Variants in DNM3 observed in about 807,000 individuals in gnomAD.
The protein encoded by DNM3 is dynamin 3, also known as dynamin-3.
DNM3 carries 47 observed loss-of-function variants against 101.6 expected under a neutral mutation model. The ratio of observed to expected loss-of-function variants is 0.46; its 90% CI spans 0.37 to 0.59. The LOEUF (loss-of-function observed/expected upper bound fraction) is 0.59. Ranked by LOEUF, DNM3 falls within the 20% of genes least tolerant of loss-of-function variation. The probability of loss-of-function intolerance (pLI) is 0.00; values close to 1 mark genes in which losing one functional copy is unlikely to be tolerated. For synonymous variants in DNM3, 385 were observed against 387.9 expected (o/e 0.99, Z 0.09); for missense variants, 849 against 1,085.7 (o/e 0.78, Z 3.06).
chr1:171,997,870 C>A (rs1189202907), intron 4 of DNM3, among the ~76,000 whole-genome samples: 1 of 152,094 alleles, frequency 6.6e-6, no homozygotes, highest in African/African-American at 2.4e-5. Context: ...ACAGAAGTCC[C>A]TGGATGATCA....
chr1:172,163,115 T>A (rs1384328827), intron 14 of DNM3, among the ~76,000 whole-genome samples: 1 of 152,134 alleles, frequency 6.6e-6, no homozygotes, highest in Non-Finnish European at 1.5e-5. Context: ...ATGACCACAG[T>A]CAAGTTAATT....
chr1:172,151,754 A>G (rs2058136656), intron 14 of DNM3, among the ~76,000 whole-genome samples: 1 of 152,130 alleles, frequency 6.6e-6, no homozygotes. Flanking sequence ...CTTGGAGTTC[A>G]ACTTGCATCC....
At chr1:172,181,375 T>TACAC (rs55756017) in intron 14 of DNM3, among the ~76,000 whole-genome samples, 1,479 of 147,682 alleles carry the variant, frequency 0.01, 17 homozygotes, top group African/African-American at 0.028. Flanking sequence ...CACTTGAGTT[T>TACAC]ACACACACAC....
chr1:172,076,490 A>T (rs922695439), intron 11 of DNM3, among the ~76,000 whole-genome samples: 1 of 152,212 alleles, frequency 6.6e-6, no homozygotes, highest in African/African-American at 2.4e-5. Flanking sequence ...GATACATTCC[A>T]TCAATACCTA....
chr1:172,235,985 T>TAAAA (rs955159187), intron 14 of DNM3, among the ~76,000 whole-genome samples: 18 of 152,216 alleles, frequency 1.2e-4, no homozygotes, highest in African/African-American at 4.3e-4. Context: ...CCCTAAAACT[T>TAAAA]AAAGTATAAA....
chr1:171,922,161 G>A (rs2040230858), intron 2 of DNM3, among the ~76,000 whole-genome samples: 1 of 151,790 alleles, frequency 6.6e-6, no homozygotes, highest in Non-Finnish European at 1.5e-5. Flanking sequence ...GTGTGCGTAT[G>A]TGTGCATGCA....
intron 17 of DNM3, among the ~76,000 whole-genome samples, chr1:172,362,678 T>C (rs1252496351): frequency 6.6e-6 from 1 of 151,910 alleles, no homozygotes; most frequent in East Asian, 1.9e-4. Context: ...TCCCTTCATT[T>C]TTCTGCCAAA....
intron 7 of DNM3, among the ~76,000 whole-genome samples, chr1:172,039,026 A>T (rs960258837): frequency 6.6e-6 from 1 of 151,816 alleles, no homozygotes; most frequent in Non-Finnish European, 1.5e-5. Flanking sequence ...CCCCTTCATG[A>T]TCTTCCCATC....
intron 20 of DNM3, chr1:172,389,052 C>T (rs368888737): frequency 5.7e-6 from 3 of 530,376 alleles, no homozygotes; most frequent in East Asian, 3.1e-5. Context: ...AAGAACACTC[C>T]GTCCCAATGA....
intron 14 of DNM3, among the ~76,000 whole-genome samples, chr1:172,151,452 T>TG (rs1170357330): frequency 6.6e-6 from 1 of 152,160 alleles, no homozygotes; most frequent in Non-Finnish European, 1.5e-5. Context: ...CATTTTTGTT[T>TG]GGGGAACACT....
chr1:172,218,336 G>A (rs1323107609), intron 14 of DNM3, among the ~76,000 whole-genome samples: 3 of 152,080 alleles, frequency 2.0e-5, no homozygotes, highest in South Asian at 4.2e-4. Flanking sequence ...TTATGTACAT[G>A]AAGATTTTTT....
At chr1:172,264,493 G>C (rs1029456780) in intron 15 of DNM3, among the ~76,000 whole-genome samples, 1 of 152,124 alleles carries the variant, frequency 6.6e-6, no homozygotes, top group African/African-American at 2.4e-5. Flanking sequence ...GACCTTATAA[G>C]AAAATAAGTG....
At chr1:172,131,750 C>A in intron 14 of DNM3, 1 of 343,992 alleles carries the variant, frequency 2.9e-6, no homozygotes, top group South Asian at 2.4e-5. Context: ...AGAACGTCCA[C>A]ATCGCTAGTC....
intron 14 of DNM3, chr1:172,140,475 CT>C (rs2057512300): frequency 6.6e-6 from 1 of 151,858 alleles, no homozygotes; most frequent in Non-Finnish European, 1.5e-5. Flanking sequence ...GAGTGATTCA[CT>C]TACAAAGAGT....
intron 1 of DNM3, among the ~76,000 whole-genome samples, chr1:171,871,617 A>C (rs954270452): frequency 6.6e-6 from 1 of 152,302 alleles, no homozygotes; most frequent in East Asian, 1.9e-4. Flanking sequence ...CCTTCCCCCT[A>C]GTAACTATTG....
intron 15 of DNM3, among the ~76,000 whole-genome samples, chr1:172,287,044 A>G (rs760747818): frequency 6.6e-6 from 1 of 152,156 alleles, no homozygotes; most frequent in Non-Finnish European, 1.5e-5. Context: ...TTTCTCCTTT[A>G]TAGCTCACCA....
At chr1:171,986,633 CTTT>C (rs367716705) in intron 2 of DNM3, among the ~76,000 whole-genome samples, 1 of 137,408 alleles carries the variant, frequency 7.3e-6, no homozygotes. Context: ...CCACATCTGG[CTTT>C]TTTTTTTTTT....
rs774588245 is a variant in DNM3, at chr1:172,111,982, C to T, written c.1545+19107C>T. Among the ~76,000 whole-genome samples the T allele has an allele frequency of 8.6e-5, 13 of 152,034 alleles. No individual in the cohort carries two copies. In the South Asian group the frequency reaches 1.2e-3, roughly 15 times the overall value. On this transcript the variant is annotated intron_variant, in intron 13 of 20. Transcript: ENST00000627582. ...GAAGGATTGCCCAGAAACTGCTCTA[C>T]GTATTTATACTTCTACCTGTCATTC...
intron 14 of DNM3, among the ~76,000 whole-genome samples, chr1:172,134,151 G>A (rs894243810): frequency 6.6e-6 from 1 of 152,162 alleles, no homozygotes; most frequent in African/African-American, 2.4e-5. Flanking sequence ...GTAGTAGCTG[G>A]TGGTGAGGGT....
Sources: gnomAD v4.1 joint callset for allele counts (sites outside exome capture counted in the v4.1 genomes callset) on GRCh38, gnomAD v4.1.1 for gene constraint, MANE v1.5 for transcripts, NCBI Gene and HGNC (gene_info 2026-07-23, HGNC 2026-07-21) for gene names.